Variants in TNS3 observed in about 807,000 individuals in gnomAD.
The protein encoded by TNS3 is tensin-3.
A neutral mutation model predicts 140.9 loss-of-function variants in TNS3; 45 were observed. The ratio of observed to expected loss-of-function variants is 0.32; its 90% CI spans 0.25 to 0.41. The LOEUF (loss-of-function observed/expected upper bound fraction) is 0.41. Ranked by LOEUF, TNS3 falls within the 10% of genes least tolerant of loss-of-function variation. TNS3 has a pLI of 1.00. For synonymous variants in TNS3, 815 were observed against 788.4 expected, an observed-to-expected ratio of 1.03 and a Z score of -0.56; for missense variants, 1,716 against 1,906.7, an observed-to-expected ratio of 0.90 and a Z score of 1.86.
intron 4 of TNS3, among the ~76,000 whole-genome samples, chr7:47,443,663 T>C (rs1446365342): frequency 6.6e-6 from 1 of 152,198 alleles, no homozygotes; most frequent in Admixed American, 6.5e-5. Context: ...GGCTCACACC[T>C]GTAATCCCAG....
intron 4 of TNS3, among the ~76,000 whole-genome samples, chr7:47,464,522 G>A (rs1584717575): frequency 6.6e-6 from 1 of 152,078 alleles, no homozygotes; most frequent in Admixed American, 6.6e-5. Context: ...TCATCTCCTA[G>A]AACAGGCTGA....
intron 1 of TNS3, among the ~76,000 whole-genome samples, chr7:47,573,845 C>T (rs2152021557): frequency 6.6e-6 from 1 of 152,344 alleles, no homozygotes; most frequent in South Asian, 2.1e-4. Flanking sequence ...TCTGGTTCAA[C>T]ATGTTCCAAG....
rs575716760 is a variant in TNS3 at position 47,438,403 on chromosome 7, C to T, written c.150+1084G>A. ...ATGGCCAGAGAGGAGACTCAGGATG[C>T]GCTGACCAGCCTGGGAGTGGCTTCC... On this transcript the variant is annotated intron_variant, in intron 6 of 30. Coordinates refer to ENST00000311160, the MANE Select transcript of TNS3 (RefSeq NM_022748.12). Among the ~76,000 whole-genome samples, 64 of 152,100 alleles carry T rather than the reference C, an allele frequency of 4.2e-4. 1 individual carries two copies. The highest frequency in any genetic ancestry group is 3.8e-3 in the Admixed American group (58 of 15,296).
intron 1 of TNS3, among the ~76,000 whole-genome samples, chr7:47,534,485 G>A (rs1332059378): frequency 6.6e-6 from 1 of 151,940 alleles, no homozygotes; most frequent in East Asian, 1.9e-4. Context: ...AGGAATCACT[G>A]GGGCAGTTTT....
intron 27 of TNS3, 118 bp downstream of exon 27, chr7:47,291,837 C>A: frequency 8.6e-7 from 1 of 1,157,740 alleles, no homozygotes. Context: ...AGGAAACCTC[C>A]TTCAAGGCTC....
chr7:47,413,857 G>A (rs1793923958), intron 12 of TNS3, 80 bp downstream of exon 12: 1 of 1,551,126 alleles, frequency 6.4e-7, no homozygotes. Context: ...CTTCCTGCGG[G>A]ACAGGCAGCT....
intron 16 of TNS3, among the ~76,000 whole-genome samples, chr7:47,373,035 C>G (rs1791168377): frequency 6.6e-6 from 1 of 152,194 alleles, no homozygotes; most frequent in Non-Finnish European, 1.5e-5. Flanking sequence ...TGCACCTACA[C>G]CTCCGTGGTC....
chr7:47,476,461 C>A (rs1379803061), intron 4 of TNS3, among the ~76,000 whole-genome samples: 1 of 152,206 alleles, frequency 6.6e-6, no homozygotes, highest in African/African-American at 2.4e-5. Context: ...GTTACCTGAA[C>A]AATGGTGAAG....
chr7:47,459,524 C>T (rs1228270172), intron 4 of TNS3, among the ~76,000 whole-genome samples: 1 of 152,150 alleles, frequency 6.6e-6, no homozygotes, highest in Non-Finnish European at 1.5e-5. Flanking sequence ...CCTTCATCCC[C>T]TCCCAGGTCA....
chr7:47,561,740 C>A (rs975220312), intron 1 of TNS3, among the ~76,000 whole-genome samples: 4 of 152,208 alleles, frequency 2.6e-5, no homozygotes, highest in African/African-American at 9.6e-5. Context: ...AAGGTGGAAT[C>A]TATTTCCTAA....
intron 1 of TNS3, among the ~76,000 whole-genome samples, chr7:47,562,742 T>C (rs1440085657): frequency 6.6e-6 from 1 of 152,222 alleles, no homozygotes; most frequent in African/African-American, 2.4e-5. Flanking sequence ...ACCAAGTTTA[T>C]GGGACATCCT....
chr7:47,329,790 T>C (rs1381361198), intron 20 of TNS3, among the ~76,000 whole-genome samples: 1 of 152,058 alleles, frequency 6.6e-6, no homozygotes, highest in African/African-American at 2.4e-5. Context: ...GAAGGGTGAC[T>C]GTGACCAGGA....
At chr7:47,505,748 T>C (rs1403768775) in intron 3 of TNS3, among the ~76,000 whole-genome samples, 2 of 152,264 alleles carry the variant, frequency 1.3e-5, no homozygotes, top group African/African-American at 2.4e-5. Flanking sequence ...TGTATTTCTG[T>C]GCACACATAT....
At chr7:47,296,175 AAAAAG>A (rs1460453414) in intron 24 of TNS3, among the ~76,000 whole-genome samples, 1 of 152,196 alleles carries the variant, frequency 6.6e-6, no homozygotes, top group African/African-American at 2.4e-5. Flanking sequence ...GGGAGAAAAA[AAAAAG>A]AAAACTGAAA....
chr7:47,465,925 A>AAAAT (rs373640446), intron 4 of TNS3, among the ~76,000 whole-genome samples: 9,495 of 150,434 alleles, frequency 0.063, 953 homozygotes, highest in African/African-American at 0.21. Context: ...ACTCCGTCTA[A>AAAAT]AAATAAATAA....
At chr7:47,413,365 G>A (rs1793895245) in intron 12 of TNS3, among the ~76,000 whole-genome samples, 1 of 143,930 alleles carries the variant, frequency 6.9e-6, no homozygotes, top group African/African-American at 2.6e-5. Context: ...GAATTCTCCT[G>A]CCTCCACCTC....
intron 5 of TNS3, among the ~76,000 whole-genome samples, chr7:47,440,131 A>G (rs1795392566): frequency 6.6e-6 from 1 of 152,060 alleles, no homozygotes; most frequent in Non-Finnish European, 1.5e-5. Context: ...AGCAGAAGCC[A>G]AACATCAGCA....
intron 17 of TNS3, among the ~76,000 whole-genome samples, chr7:47,361,276 G>A (rs1265258992): frequency 2.1e-5 from 3 of 144,818 alleles, no homozygotes; most frequent in Non-Finnish European, 4.5e-5. Context: ...CCTCAGGGAA[G>A]AGCCACACTC....
chr7:47,287,337 T>A (rs1785473722), intron 27 of TNS3, among the ~76,000 whole-genome samples: 1 of 152,218 alleles, frequency 6.6e-6, no homozygotes, highest in South Asian at 2.1e-4. Flanking sequence ...GGGATTAAAC[T>A]GGAGAGCATT....
Sources: allele counts gnomAD v4.1 joint callset (sites outside exome capture counted in the v4.1 genomes callset), GRCh38; gene constraint gnomAD v4.1.1; transcripts MANE v1.5; gene names NCBI Gene and HGNC (gene_info 2026-07-23, HGNC 2026-07-21).